WWC2: variants seen among roughly 807,000 people sequenced by gnomAD.
WWC2 encodes WW and C2 domain containing 2.
A neutral mutation model predicts 138.5 loss-of-function variants in WWC2; 101 were observed. That is an observed-to-expected ratio of 0.73 (90% CI 0.62 to 0.86). WWC2 has a LOEUF of 0.86. Ranked by LOEUF, WWC2 falls within the 40% of genes least tolerant of loss-of-function variation. The probability of loss-of-function intolerance (pLI) is 0.00; values close to 1 mark genes in which losing one functional copy is unlikely to be tolerated. For missense variants in WWC2, 1,420 were observed against 1,419.4 expected, an observed-to-expected ratio of 1.00 and a Z score of -0.01; for synonymous variants, 558 against 538.4, an observed-to-expected ratio of 1.04 and a Z score of -0.50.
At chr4:183,113,185 T>C (rs1366861440) in intron 1 of WWC2, among the ~76,000 whole-genome samples, 1 of 151,836 alleles carries the variant, frequency 6.6e-6, no homozygotes, top group Admixed American at 6.6e-5. Context: ...GGCAGCAGAA[T>C]CACTTGAACC....
intron 21 of WWC2, among the ~76,000 whole-genome samples, chr4:183,307,456 A>G (rs1434398327): frequency 6.6e-6 from 1 of 152,232 alleles, no homozygotes; most frequent in Non-Finnish European, 1.5e-5. Flanking sequence ...CTGTGAGGCC[A>G]GCATTATCCT....
intron 1 of WWC2, among the ~76,000 whole-genome samples, chr4:183,103,121 A>C (rs1463149993): frequency 1.3e-5 from 2 of 151,666 alleles, no homozygotes; most frequent in East Asian, 3.9e-4. Context: ...ATTAAAACCC[A>C]CTGATAGACA....
At chr4:183,303,639 A>G (rs1307155860) in intron 21 of WWC2, among the ~76,000 whole-genome samples, 1 of 152,230 alleles carries the variant, frequency 6.6e-6, no homozygotes, top group Admixed American at 6.5e-5. Flanking sequence ...TTACATAGCT[A>G]AAGAATTGTC....
rs922145006 is a variant in WWC2 at position 183,266,052 on chromosome 4, A to G, written c.2207+101A>G. Reference sequence around the variant, plus strand: ...CAGTTCATCAAAATGAAGATACGGAAAAGACATAGCAGGGCTGATCATGTC... The same window carrying G: ...CAGTTCATCAAAATGAAGATACGGAGAAGACATAGCAGGGCTGATCATGTC... On this transcript the variant is annotated intron_variant, in intron 14 of 22. Coordinates refer to ENST00000403733, the MANE Select transcript of WWC2 (RefSeq NM_024949.6). 4 of 1,136,248 alleles carry G rather than the reference A, an allele frequency of 3.5e-6. No individual in the cohort carries two copies. In the African/African-American group the frequency reaches 4.6e-5, roughly 13 times the overall value. 70.4% of individuals were successfully genotyped at this position (1,136,248 alleles called of 1,614,324 possible). A position where few individuals can be genotyped will look rare whatever the true frequency, so the allele number is the denominator to read the frequency against.
intron 1 of WWC2, among the ~76,000 whole-genome samples, chr4:183,125,871 T>C (rs769935337): frequency 6.6e-6 from 1 of 152,206 alleles, no homozygotes; most frequent in Non-Finnish European, 1.5e-5. Flanking sequence ...GACTGTTTAA[T>C]GAACACACAC....
chr4:183,131,314 C>T (rs890245397), intron 1 of WWC2, among the ~76,000 whole-genome samples: 1 of 151,720 alleles, frequency 6.6e-6, no homozygotes, highest in Non-Finnish European at 1.5e-5. Flanking sequence ...ATCTTCATGA[C>T]TTTCTGTTGG....
At chr4:183,141,660 G>C (rs187723856) in intron 1 of WWC2, among the ~76,000 whole-genome samples, 94 of 152,250 alleles carry the variant, frequency 6.2e-4, no homozygotes, top group African/African-American at 2.1e-3. Flanking sequence ...TGCCATTTCT[G>C]TAGGTGCCGG....
At chr4:183,108,591 A>G (rs538456717) in intron 1 of WWC2, among the ~76,000 whole-genome samples, 2 of 152,154 alleles carry the variant, frequency 1.3e-5, no homozygotes, top group East Asian at 1.9e-4. Flanking sequence ...GGAAATCTGA[A>G]TAAGGTATGG....
chr4:183,120,920 C>G (rs1654201477), intron 1 of WWC2, among the ~76,000 whole-genome samples: 1 of 152,018 alleles, frequency 6.6e-6, no homozygotes, highest in Non-Finnish European at 1.5e-5. Flanking sequence ...AGCCAGAACA[C>G]ATTTTAAAAA....
At chr4:183,107,134 C>T (rs1451853301) in intron 1 of WWC2, among the ~76,000 whole-genome samples, 1 of 151,940 alleles carries the variant, frequency 6.6e-6, no homozygotes, top group Admixed American at 6.6e-5. Flanking sequence ...CTTTCCTTCT[C>T]TTCTCTTCTC....
intron 1 of WWC2, among the ~76,000 whole-genome samples, chr4:183,149,969 C>T (rs1449526519): frequency 6.6e-6 from 1 of 151,964 alleles, no homozygotes; most frequent in African/African-American, 2.4e-5. Flanking sequence ...TATAGGGTAC[C>T]CAGGAGGCTT....
chr4:183,187,621 A>G (rs937651748), intron 1 of WWC2, among the ~76,000 whole-genome samples: 30 of 150,742 alleles, frequency 2.0e-4, no homozygotes, highest in African/African-American at 6.6e-4. Context: ...CTGTAATCCC[A>G]GCACTTTGGG....
chr4:183,115,922 C>T (rs542758306), intron 1 of WWC2, among the ~76,000 whole-genome samples: 7 of 152,178 alleles, frequency 4.6e-5, no homozygotes, highest in South Asian at 4.2e-4. Context: ...CCAGGGCCTA[C>T]GTCCAGAATG....
chr4:183,255,287 G>A (rs564027707), intron 9 of WWC2, among the ~76,000 whole-genome samples: 3 of 152,312 alleles, frequency 2.0e-5, no homozygotes, highest in South Asian at 2.1e-4. Flanking sequence ...TGTCAGCCAG[G>A]CTGGCAAAGC....
chr4:183,153,376 C>T (rs1561438592), intron 1 of WWC2, among the ~76,000 whole-genome samples: 1 of 152,152 alleles, frequency 6.6e-6, no homozygotes, highest in Non-Finnish European at 1.5e-5. Flanking sequence ...CACTGCCTCT[C>T]AGGTAAAGGA....
intron 4 of WWC2, among the ~76,000 whole-genome samples, chr4:183,226,699 G>A (rs916601815): frequency 6.6e-6 from 1 of 151,988 alleles, no homozygotes; most frequent in South Asian, 2.1e-4. Flanking sequence ...GCTTTGTCAG[G>A]ATTTCACAAG....
intron 4 of WWC2, among the ~76,000 whole-genome samples, chr4:183,237,955 C>T (rs1017755135): frequency 6.6e-5 from 10 of 152,176 alleles, no homozygotes; most frequent in South Asian, 4.1e-4. Flanking sequence ...ATATGCCCAA[C>T]GCTTGCTCTC....
Position 183,247,186 on chromosome 4 carries a change from G to A in WWC2, c.733-1528G>A, listed in dbSNP as rs77792371. ...TATAGATACACAGGTGTGCATGCAC[G>A]CGCACACACACACATACACACTCCA... is the stretch of plus-strand genomic sequence containing the variant. On this transcript the variant is annotated intron_variant, in intron 6 of 22. Transcript: ENST00000403733. Among the ~76,000 whole-genome samples, 1,300 of 151,878 alleles carry A rather than the reference G, an allele frequency of 8.6e-3. 32 individuals are homozygous for A. Among genetic ancestry groups the A allele is most frequent in the African/African-American group, 0.029 (1,219 of 41,446 alleles).
intron 1 of WWC2, among the ~76,000 whole-genome samples, chr4:183,173,187 A>G (rs928007106): frequency 6.6e-6 from 1 of 151,922 alleles, no homozygotes; most frequent in Non-Finnish European, 1.5e-5. Flanking sequence ...TGGGACCACA[A>G]GCATGTGCTG....
Sources: allele counts gnomAD v4.1 joint callset (sites outside exome capture counted in the v4.1 genomes callset), GRCh38; gene constraint gnomAD v4.1.1; transcripts MANE v1.5; gene names NCBI Gene and HGNC (gene_info 2026-07-23, HGNC 2026-07-21).